The following SMURF2 variants were observed in gnomAD, a reference collection of about 807,000 sequenced individuals.
The protein encoded by SMURF2 is SMAD specific E3 ubiquitin protein ligase 2.
A neutral mutation model predicts 109.6 loss-of-function variants in SMURF2; 48 were observed. That is an observed-to-expected ratio of 0.44 (90% CI 0.35 to 0.56). The LOEUF (loss-of-function observed/expected upper bound fraction) is 0.56. Ranked by LOEUF, SMURF2 falls within the 20% of genes least tolerant of loss-of-function variation. The pLI is 0.01. For synonymous variants in SMURF2, 288 were observed against 317.1 expected (o/e 0.91, Z 0.97); for missense variants, 575 against 909.0 (o/e 0.63, Z 4.72).
chr17:64,563,061 A>AG, intron 10 of SMURF2, 95 bp from the exon 11 acceptor site: 1 of 1,127,520 alleles, frequency 8.9e-7, no homozygotes, highest in South Asian at 1.7e-5. Context: ...AAGCAAGTCT[A>AG]GCTCTATCAT....
intron 1 of SMURF2, among the ~76,000 whole-genome samples, chr17:64,608,207 C>T (rs1464166133): frequency 6.6e-6 from 1 of 151,866 alleles, no homozygotes; most frequent in Non-Finnish European, 1.5e-5. Context: ...AAATGAATTA[C>T]AGTTATTGGA....
intron 16 of SMURF2, among the ~76,000 whole-genome samples, chr17:64,548,481 G>A (rs1227633545): frequency 4.6e-5 from 7 of 151,976 alleles, no homozygotes; most frequent in African/African-American, 1.2e-4. Flanking sequence ...TCTGCCTCCC[G>A]GGTTCAAGTG....
rs547004004 is a variant in SMURF2 at position 64,624,322 on chromosome 17, C to A, written c.53-17682G>T. On this transcript the variant is annotated intron_variant, in intron 1 of 18. Coordinates refer to ENST00000262435, the MANE Select transcript of SMURF2 (RefSeq NM_022739.4). The stretch of plus-strand genomic sequence containing the variant: ...GACCAGCCTGGGCAACATGGTGAAA[C>A]CTCATCTCTATAAAAAAAAATTTTT... Among the ~76,000 whole-genome samples the A allele has an allele frequency of 4.0e-5, 6 of 151,002 alleles. No homozygotes were observed. The South Asian group carries it at 1.3e-3, about 32-fold the overall frequency.
rs1322361309 is a variant in SMURF2, at chr17:64,600,858, A to T, written c.92-2368T>A. On this transcript the variant is annotated intron_variant, in intron 2 of 18. Coordinates refer to ENST00000262435, the MANE Select transcript of SMURF2 (RefSeq NM_022739.4). ...GTGTATTTATGAGCAAAAACAAAAA[A>T]ATCACATTTCTAAACTTTCCCTTTG... 3.3e-5 allele frequency among the ~76,000 whole-genome samples: 5 copies of T among 152,156 alleles called. No individual in the cohort carries two copies. The East Asian group carries it at 7.7e-4, about 23-fold the overall frequency.
intron 10 of SMURF2, among the ~76,000 whole-genome samples, chr17:64,565,742 CAGGATT>C (rs1969291734): frequency 1.3e-5 from 2 of 151,822 alleles, no homozygotes; most frequent in Admixed American, 6.6e-5. Context: ...AGAGGTAGCC[CAGGATT>C]GCAATGAAGA....
chr17:64,556,890 G>A (rs183303862), intron 13 of SMURF2, among the ~76,000 whole-genome samples: 90 of 151,972 alleles, frequency 5.9e-4, no homozygotes, highest in African/African-American at 2.0e-3. Context: ...ACACGCGCAC[G>A]CACACAAACA....
rs782431110 is a variant in SMURF2, at chr17:64,591,152, A to G, written c.335-3T>C. The G allele has an allele frequency of 1.9e-6, 3 of 1,611,708 alleles. No homozygotes were observed. Among genetic ancestry groups the G allele is most frequent in the African/African-American group, 2.7e-5 (2 of 74,896 alleles). Reference sequence around the variant, plus strand: ...TTTGCATAAATCCAACCTCTGATCTATTTGAAGTCAACAAAGAAAGCAACG... The same window carrying G: ...TTTGCATAAATCCAACCTCTGATCTGTTTGAAGTCAACAAAGAAAGCAACG... On this transcript the variant is annotated splice_polypyrimidine_tract_variant and splice_region_variant and intron_variant, in intron 4 of 18. Coordinates refer to ENST00000262435, the MANE Select transcript of SMURF2 (RefSeq NM_022739.4).
intron 10 of SMURF2, among the ~76,000 whole-genome samples, chr17:64,564,235 G>A (rs1969269259): frequency 6.6e-6 from 1 of 152,132 alleles, no homozygotes; most frequent in Non-Finnish European, 1.5e-5. Context: ...CCCATCAGTA[G>A]ATAAATGAAT....
chr17:64,621,592 T>C (rs371120048), intron 1 of SMURF2, among the ~76,000 whole-genome samples: 2 of 149,058 alleles, frequency 1.3e-5, no homozygotes, highest in Non-Finnish European at 3.0e-5. Flanking sequence ...AAAATAATAA[T>C]AGGCCAGGCA....
rs191677436 is a variant in SMURF2, at chr17:64,630,399, T to C, written c.53-23759A>G. ...AGCTAACTGGGAATTTCTAAAAATA[T>C]AAGGTCTTACTCAAATTAAATGCCA... On this transcript the variant is annotated intron_variant, in intron 1 of 18. Transcript: ENST00000262435. Among the ~76,000 whole-genome samples the C allele has an allele frequency of 1.4e-3, 220 of 152,232 alleles. 2 individuals are homozygous for C. Among genetic ancestry groups the C allele is most frequent in the African/African-American group, 5.1e-3 (213 of 41,544 alleles).
At position 64,572,012 on chromosome 17, in the gene SMURF2, G is replaced by GC. The variant is rs369868546; in HGVS notation, c.858-57dup. On this transcript the variant is annotated intron_variant, in intron 9 of 18. Coordinates refer to ENST00000262435, the MANE Select transcript of SMURF2 (RefSeq NM_022739.4). ...CTCATTGCTCGCCCTGCTGAACCAA[G>GC]CAAGTGTAAATGACACAGAACAATT... The GC allele has an allele frequency of 2.4e-5, 35 of 1,481,284 alleles. No individual in the cohort carries two copies. The African/African-American group carries it at 4.0e-4, about 17-fold the overall frequency. 91.8% of individuals were successfully genotyped at this position (1,481,284 alleles called of 1,614,324 possible). A position where few individuals can be genotyped will look rare whatever the true frequency, so the allele number is the denominator to read the frequency against.
intron 1 of SMURF2, among the ~76,000 whole-genome samples, chr17:64,632,735 G>A (rs569069533): frequency 9.2e-5 from 14 of 152,308 alleles, no homozygotes; most frequent in African/African-American, 3.1e-4. Context: ...GTGTAACACA[G>A]AGCTTAGAGA....
intron 10 of SMURF2, among the ~76,000 whole-genome samples, chr17:64,569,203 A>G (rs1969361506): frequency 6.6e-6 from 1 of 151,970 alleles, no homozygotes. Context: ...TGGAAGGCTG[A>G]GGCAGGAGAA....
chr17:64,601,806 T>C (rs535128833), intron 2 of SMURF2, among the ~76,000 whole-genome samples: 47 of 151,694 alleles, frequency 3.1e-4, no homozygotes, highest in Non-Finnish European at 5.2e-4. Flanking sequence ...CCCAAACACC[T>C]ATCAATCAAC....
chr17:64,651,239 A>G (rs1301450576), intron 1 of SMURF2, among the ~76,000 whole-genome samples: 1 of 151,092 alleles, frequency 6.6e-6, no homozygotes, highest in African/African-American at 2.4e-5. Flanking sequence ...TTACATTTTA[A>G]TAAAATTAAG....
At chr17:64,550,757 C>CAA (rs146307567) in intron 16 of SMURF2, among the ~76,000 whole-genome samples, 33 of 69,558 alleles carry the variant, frequency 4.7e-4, no homozygotes, top group South Asian at 1.8e-3. Flanking sequence ...ACTCTGTCTC[C>CAA]AAAAAAAAAA....
intron 2 of SMURF2, among the ~76,000 whole-genome samples, chr17:64,599,739 C>A (rs1555688394): frequency 6.6e-6 from 1 of 152,158 alleles, no homozygotes; most frequent in Non-Finnish European, 1.5e-5. Context: ...CCCAACACAT[C>A]CCCTGCTCCC....
intron 16 of SMURF2, among the ~76,000 whole-genome samples, chr17:64,550,460 C>G (rs1018384801): frequency 6.6e-6 from 1 of 152,110 alleles, no homozygotes; most frequent in African/African-American, 2.4e-5. Context: ...AAAAACTATT[C>G]ACTGTTTAGT....
chr17:64,614,765 C>T (rs1970099006), intron 1 of SMURF2, among the ~76,000 whole-genome samples: 1 of 152,244 alleles, frequency 6.6e-6, no homozygotes, highest in South Asian at 2.1e-4. Context: ...TGAACACTCA[C>T]TTTGTGCCAA....
Sources: gnomAD v4.1 joint callset for allele counts (sites outside exome capture counted in the v4.1 genomes callset) on GRCh38, gnomAD v4.1.1 for gene constraint, MANE v1.5 for transcripts, NCBI Gene and HGNC (gene_info 2026-07-23, HGNC 2026-07-21) for gene names.